REV1: variants seen among roughly 807,000 people sequenced by gnomAD.
The protein encoded by REV1 is translesion synthesis protein REV1.
Under a neutral mutation model 137.4 loss-of-function variants are expected in REV1, and 42 were observed. That is an observed-to-expected ratio of 0.31 (90% CI 0.24 to 0.40). REV1 has a LOEUF of 0.40. Ranked by LOEUF, REV1 falls within the 10% of genes least tolerant of loss-of-function variation. The pLI, the probability that REV1 is intolerant of heterozygous loss-of-function variation, is 1.00. For missense variants in REV1, 1,282 were observed against 1,490.1 expected (o/e 0.86, Z 2.30); for synonymous variants, 524 against 519.2 (o/e 1.01, Z -0.12).
At chr2:99,474,520 G>A (rs1462508542) in intron 1 of REV1, among the ~76,000 whole-genome samples, 1 of 152,152 alleles carries the variant, frequency 6.6e-6, no homozygotes, top group African/African-American at 2.4e-5. Context: ...GCAACAGTCT[G>A]GATCATAATA....
intron 9 of REV1, among the ~76,000 whole-genome samples, chr2:99,428,946 G>T (rs1295570558): frequency 2.0e-5 from 3 of 150,374 alleles, no homozygotes; most frequent in African/African-American, 7.4e-5. Flanking sequence ...GAGCCAAGAT[G>T]GTGCCACTGC....
chr2:99,418,792 C>T (rs748782234), intron 12 of REV1, 36 bp downstream of exon 12: 1 of 1,580,532 alleles, frequency 6.3e-7, no homozygotes, highest in South Asian at 1.1e-5. Flanking sequence ...CTTGTAATGC[C>T]TGTAATAAAA....
intron 15 of REV1, 99 bp from the exon 16 acceptor site, chr2:99,406,589 G>T: frequency 1.1e-6 from 1 of 915,692 alleles, no homozygotes; most frequent in South Asian, 2.7e-5. Flanking sequence ...ACTATCTCCT[G>T]GATCCTGTTT....
At chr2:99,449,141 TG>T (rs1454181735) in intron 4 of REV1, among the ~76,000 whole-genome samples, 194 bp downstream of exon 4, 2 of 152,100 alleles carry the variant, frequency 1.3e-5, no homozygotes, top group Admixed American at 1.3e-4. Flanking sequence ...GGCGCCTGCC[TG>T]TAGTCCCAGC....
chr2:99,424,996 T>A, intron 9 of REV1: 1 of 834,496 alleles, frequency 1.2e-6, no homozygotes, highest in Non-Finnish European at 1.6e-6. Flanking sequence ...ATTATGGAAT[T>A]ATACATAATT....
chr2:99,435,883 C>T lies in REV1; in HGVS notation c.1272G>A (p.Met424Ile). The T allele has an allele frequency of 1.2e-6, 2 of 1,608,882 alleles. No individual in the cohort carries two copies. The highest frequency in any genetic ancestry group is 1.7e-6 in the Non-Finnish European group (2 of 1,176,088). ...TACCCACTGATACAAAGAAGCAATC[C>T]ATATCAACATGCATTATACAGCTCT... ...RHQSCIMHVD[M>I]DCFFVSVGIR... Residue 424 changes from methionine (M) to isoleucine (I), a missense_variant, in exon 7 of 23, where the codon ATG (methionine) becomes ATA (isoleucine). This residue lies in a region of REV1 where 432 missense variants were observed against 438.0 expected (regional missense o/e 0.99). Transcript: ENST00000258428.
At chr2:99,462,673 C>G (rs369615712) in intron 2 of REV1, 51 bp from the exon 3 acceptor site, 5 of 1,566,996 alleles carry the variant, frequency 3.2e-6, no homozygotes, top group Admixed American at 2.2e-5. Flanking sequence ...TTTTCTCCCC[C>G]CTTTTTTGAA....
chr2:99,401,470 T>A, intron 22 of REV1, 118 bp from the exon 23 acceptor site: 1 of 625,050 alleles, frequency 1.6e-6, no homozygotes, highest in South Asian at 2.2e-5. Flanking sequence ...CCTGGCCAGG[T>A]GCGGTGTGGC....
chr2:99,473,208 CAA>C (rs753461178), intron 1 of REV1, among the ~76,000 whole-genome samples: 1 of 150,766 alleles, frequency 6.6e-6, no homozygotes, highest in Admixed American at 6.6e-5. Flanking sequence ...TCCAAAAATC[CAA>C]AAAAAATATT....
chr2:99,449,435 C>A lies in REV1; in HGVS notation c.251G>T (p.Arg84Ile). The change falls in exon 4 of 23, where the codon AGA becomes ATA. Residue 84 changes from arginine to isoleucine, a missense_variant. Coordinates refer to ENST00000258428, the MANE Select transcript of REV1 (RefSeq NM_016316.4). Reference protein sequence around the residue: ...HGGQYHVYYSRSKTTHIIATN... With the variant: ...HGGQYHVYYSISKTTHIIATN... The stretch of plus-strand genomic sequence containing the variant: ...GGCAATAATATGTGTTGTTTTAGAT[C>A]TGGAATAATATACATGGTATTGACC... 1 of 1,571,290 alleles carries A rather than the reference C, an allele frequency of 6.4e-7. No homozygotes were observed. Among genetic ancestry groups the A allele is most frequent in the African/African-American group, 1.4e-5 (1 of 72,950 alleles).
intron 3 of REV1, among the ~76,000 whole-genome samples, chr2:99,461,119 C>T (rs1684140718): frequency 6.6e-6 from 1 of 152,200 alleles, no homozygotes; most frequent in African/African-American, 2.4e-5. Context: ...AAGTTACAAG[C>T]TTTCTGCATG....
chr2:99,484,796 A>G (rs1686973573), intron 1 of REV1, among the ~76,000 whole-genome samples: 1 of 152,206 alleles, frequency 6.6e-6, no homozygotes, highest in Non-Finnish European at 1.5e-5. Context: ...GCTTCCAAAC[A>G]AAAACCTTGT....
In REV1 at chr2:99,423,456, T is replaced by C. The variant is rs185876012; in HGVS notation, c.1676+696A>G. On this transcript the variant is annotated intron_variant, in intron 10 of 22. Transcript: ENST00000258428. ...CACAACGCAGAACTGAGAACTTCTG[T>C]TGAGTGACAGAAACTTTATCTGGCT... Among the ~76,000 whole-genome samples, 134 of 152,324 alleles carry C rather than the reference T, an allele frequency of 8.8e-4. 1 individual carries two copies. Among genetic ancestry groups the C allele is most frequent in the African/African-American group, 2.6e-3 (106 of 41,568 alleles).
At chr2:99,434,540 C>T in intron 7 of REV1, 92 bp from the exon 8 acceptor site, 1 of 665,546 alleles carries the variant, frequency 1.5e-6, no homozygotes. Flanking sequence ...TAAAAACATG[C>T]CTTTTTTTTC....
intron 3 of REV1, among the ~76,000 whole-genome samples, chr2:99,452,000 T>C (rs1240432130): frequency 6.6e-6 from 1 of 152,106 alleles, no homozygotes; most frequent in Non-Finnish European, 1.5e-5. Context: ...TGGTTCTATT[T>C]CTTCAATACT....
Position 99,403,024 on chromosome 2 carries a change from T to C in REV1, c.3249A>G (p.Pro1083=). 2.5e-6 allele frequency: 4 copies of C among 1,614,174 alleles called. No individual in the cohort carries two copies. The highest frequency in any genetic ancestry group is 3.4e-6 in the Non-Finnish European group (4 of 1,179,994). Residue 1083 remains proline, a synonymous_variant, in exon 20 of 23, where the codon CCA becomes CCG. Transcript: ENST00000258428. ...TATTCAAAGGACTCTGAATCCTTTTTGGTGAACCAATGGTTTTTTTCTTCT... is the reference window on the plus strand; with the variant it reads ...TATTCAAAGGACTCTGAATCCTTTTCGGTGAACCAATGGTTTTTTTCTTCT... The part of the protein sequence containing the change: ...RNKKKKTIGS[P]KRIQSPLNNK...
intron 9 of REV1, 95 bp downstream of exon 9, chr2:99,429,745 T>TC (rs934840364): frequency 3.3e-5 from 21 of 643,842 alleles, no homozygotes; most frequent in Middle Eastern, 4.5e-4. Flanking sequence ...TCTGTAACAT[T>TC]TAAATCCACT....
chr2:99,411,267 G>A lies in REV1; in HGVS notation c.2173-400C>T, dbSNP rs987481244. ...CATGCCACTGCATTCCAGCCTGGGC[G>A]ACAGAGGGAGACTCCGTCTCAAAAA... On this transcript the variant is annotated intron_variant, in intron 13 of 22. Transcript: ENST00000258428. Among the ~76,000 whole-genome samples the A allele has an allele frequency of 2.0e-4, 31 of 152,170 alleles. 1 individual carries two copies. The highest frequency in any genetic ancestry group is 3.4e-3 in the Middle Eastern group (1 of 292).
intron 1 of REV1, 56 bp from the exon 2 acceptor site, chr2:99,465,041 T>C (rs1575190642): frequency 1.5e-6 from 2 of 1,339,248 alleles, no homozygotes; most frequent in Non-Finnish European, 2.1e-6. Flanking sequence ...TATTTCTAAA[T>C]GATATTTTAT....
Sources: gnomAD v4.1 joint callset for allele counts (sites outside exome capture counted in the v4.1 genomes callset) on GRCh38, gnomAD v4.1.1 for gene constraint, gnomAD v4.1.1 regional missense constraint, MANE v1.5 for transcripts, NCBI Gene and HGNC (gene_info 2026-07-23, HGNC 2026-07-21) for gene names.